Variants in ATP8A2 observed in about 807,000 individuals in gnomAD.
The protein encoded by ATP8A2 is phospholipid-transporting ATPase IB.
A neutral mutation model predicts 165.6 loss-of-function variants in ATP8A2; 100 were observed. The ratio of observed to expected loss-of-function variants is 0.60; its 90% confidence interval spans 0.51 to 0.71. The LOEUF is 0.71. Ranked by LOEUF, ATP8A2 falls within the 30% of genes least tolerant of loss-of-function variation. The probability of loss-of-function intolerance (pLI) is 0.00; values close to 1 mark genes in which losing one functional copy is unlikely to be tolerated. For synonymous variants in ATP8A2, 543 were observed against 548.8 expected (o/e 0.99, Z 0.15); for missense variants, 1,227 against 1,479.5 (o/e 0.83, Z 2.80).
intron 36 of ATP8A2, among the ~76,000 whole-genome samples, chr13:26,017,825 G>T (rs1307527301): frequency 6.6e-6 from 1 of 152,146 alleles, no homozygotes; most frequent in Non-Finnish European, 1.5e-5. Context: ...CTGCCTTCAG[G>T]CTCAGACACC....
intron 33 of ATP8A2, among the ~76,000 whole-genome samples, chr13:25,960,608 C>A (rs1346899580): frequency 6.6e-6 from 1 of 152,180 alleles, no homozygotes; most frequent in Admixed American, 6.5e-5. Flanking sequence ...GCCAGCCTCC[C>A]AATTCCTAGC....
chr13:25,516,937 A>C (rs9578880), intron 2 of ATP8A2, among the ~76,000 whole-genome samples: 9,007 of 151,724 alleles, frequency 0.059, 342 homozygotes, highest in South Asian at 0.13. Flanking sequence ...CCTGCCACCA[A>C]GCTCGGCTAA....
At chr13:25,426,886 C>T (rs1213330454) in intron 1 of ATP8A2, among the ~76,000 whole-genome samples, 1 of 152,138 alleles carries the variant, frequency 6.6e-6, no homozygotes, top group African/African-American at 2.4e-5. Flanking sequence ...GCAGAGGTTG[C>T]AATGAGCTGA....
intron 35 of ATP8A2, among the ~76,000 whole-genome samples, chr13:26,001,467 A>G (rs11842300): frequency 6.6e-4 from 100 of 152,298 alleles, no homozygotes; most frequent in African/African-American, 2.4e-3. Flanking sequence ...ACCATTTTAC[A>G]TCTCACCAAG....
intron 2 of ATP8A2, among the ~76,000 whole-genome samples, chr13:25,474,520 C>T (rs971184278): frequency 2.0e-5 from 3 of 150,962 alleles, no homozygotes; most frequent in African/African-American, 7.3e-5. Context: ...AGAGATCACA[C>T]CACTGCACTC....
At chr13:25,774,620 G>A (rs1017591145) in intron 26 of ATP8A2, among the ~76,000 whole-genome samples, 2 of 152,178 alleles carry the variant, frequency 1.3e-5, no homozygotes, top group African/African-American at 2.4e-5. Context: ...ACAATTAGGA[G>A]TCCAGCAGTA....
intron 24 of ATP8A2, among the ~76,000 whole-genome samples, chr13:25,698,789 T>C (rs1020174956): frequency 6.6e-6 from 1 of 152,210 alleles, no homozygotes; most frequent in African/African-American, 2.4e-5. Context: ...ATCTTTTGGA[T>C]GCTTTAAAGA....
intron 33 of ATP8A2, among the ~76,000 whole-genome samples, chr13:25,931,544 A>G (rs1237689325): frequency 6.6e-6 from 1 of 152,162 alleles, no homozygotes; most frequent in Non-Finnish European, 1.5e-5. Flanking sequence ...TGACGAGTGC[A>G]GAACCTTGTT....
chr13:25,612,970 G>A (rs893269610), intron 24 of ATP8A2, among the ~76,000 whole-genome samples: 1 of 151,968 alleles, frequency 6.6e-6, no homozygotes, highest in African/African-American at 2.4e-5. Context: ...CATGCTTTTG[G>A]TGTCTGTTTT....
rs1224499992 is a variant in ATP8A2, at chr13:25,543,383, A to G, written c.872A>G (p.His291Arg). 6.2e-7 allele frequency: 1 copy of G among 1,604,560 alleles called. No homozygotes were observed. The highest frequency in any genetic ancestry group is 8.5e-7 in the Non-Finnish European group (1 of 1,172,110). ...TTTGGCATAGTTGTTTATACTGGACACGACACCAAACTCATGCAGGTAAAA... is the reference window on the plus strand; with the variant it reads ...TTTGGCATAGTTGTTTATACTGGACGCGACACCAAACTCATGCAGGTAAAA... The part of the protein sequence containing the change: ...WVFGIVVYTG[H>R]DTKLMQNSTK... Residue 291 changes from histidine (H) to arginine (R), a missense_variant, in exon 10 of 37, where the codon CAC becomes CGC. By Grantham distance (29) the His-to-Arg change is conservative (BLOSUM62 0). Around this residue, in one of 5 missense-constraint regions of ATP8A2, gnomAD observed 356 missense variants for 394.9 expected, o/e 0.90. Coordinates refer to ENST00000381655, the MANE Select transcript of ATP8A2 (RefSeq NM_016529.6).
At chr13:25,943,963 G>A (rs899854257) in intron 33 of ATP8A2, among the ~76,000 whole-genome samples, 2 of 152,114 alleles carry the variant, frequency 1.3e-5, no homozygotes, top group African/African-American at 2.4e-5. Flanking sequence ...CAGTTATTAC[G>A]TTTATTGTTT....
chr13:25,977,029 A>AC (rs1273725517), intron 35 of ATP8A2, among the ~76,000 whole-genome samples: 12 of 111,358 alleles, frequency 1.1e-4, no homozygotes, highest in Non-Finnish European at 1.5e-4. Context: ...CTTGTGATCC[A>AC]CCCCCACCCC....
intron 1 of ATP8A2, among the ~76,000 whole-genome samples, chr13:25,439,011 G>T (rs2034856890): frequency 6.6e-6 from 1 of 152,232 alleles, no homozygotes; most frequent in South Asian, 2.1e-4. Flanking sequence ...ACGAGAATTA[G>T]TGTCCATTAG....
chr13:25,515,896 A>G (rs984466971), intron 2 of ATP8A2, among the ~76,000 whole-genome samples: 1 of 152,186 alleles, frequency 6.6e-6, no homozygotes. Context: ...GCACTTTGCT[A>G]TATATGCACA....
intron 23 of ATP8A2, among the ~76,000 whole-genome samples, chr13:25,585,233 C>T (rs890795912): frequency 6.6e-6 from 1 of 152,012 alleles, no homozygotes; most frequent in East Asian, 1.9e-4. Context: ...GAGGAGTTGG[C>T]GATTTTCTCT....
chr13:25,991,214 A>G (rs540676208), intron 35 of ATP8A2, among the ~76,000 whole-genome samples: 68 of 152,346 alleles, frequency 4.5e-4, no homozygotes, highest in African/African-American at 1.5e-3. Flanking sequence ...GCAGAAAAAC[A>G]TGAAATAAAA....
intron 2 of ATP8A2, among the ~76,000 whole-genome samples, chr13:25,483,908 A>G (rs2036278864): frequency 6.6e-6 from 1 of 152,234 alleles, no homozygotes; most frequent in Non-Finnish European, 1.5e-5. Context: ...ACAATCAATT[A>G]TAAGCTGTAA....
intron 30 of ATP8A2, among the ~76,000 whole-genome samples, chr13:25,845,099 C>T (rs1213266661): frequency 6.6e-6 from 1 of 152,170 alleles, no homozygotes; most frequent in African/African-American, 2.4e-5. Context: ...TCAAGCAATT[C>T]AGTAAATCAG....
chr13:25,478,376 A>G (rs2036054874), intron 2 of ATP8A2, among the ~76,000 whole-genome samples: 1 of 152,220 alleles, frequency 6.6e-6, no homozygotes, highest in South Asian at 2.1e-4. Flanking sequence ...GTCACTCAAC[A>G]GACAGCAAAA....
Sources: gnomAD v4.1 joint callset for allele counts (sites outside exome capture counted in the v4.1 genomes callset) on GRCh38, gnomAD v4.1.1 for gene constraint, gnomAD v4.1.1 regional missense constraint, MANE v1.5 for transcripts, NCBI Gene and HGNC (gene_info 2026-07-23, HGNC 2026-07-21) for gene names.